The following RPS6KA2 variants were observed in gnomAD, a reference collection of about 807,000 sequenced individuals.
RPS6KA2 encodes ribosomal protein S6 kinase A2, also known as ribosomal protein S6 kinase alpha-2.
RPS6KA2 carries 42 observed loss-of-function variants against 91.8 expected under a neutral mutation model. The observed-to-expected ratio is 0.46, with a 90% CI of 0.36 to 0.59. RPS6KA2 has a LOEUF of 0.59. Among genes scored for constraint, RPS6KA2 ranks in the 20% least tolerant of loss-of-function variants. RPS6KA2 has a pLI of 0.00. For synonymous variants in RPS6KA2, 414 were observed against 393.6 expected (o/e 1.05, Z -0.61); for missense variants, 798 against 978.5 (o/e 0.82, Z 2.46).
At chr6:166,647,902 T>C (rs1380705155) in intron 2 of RPS6KA2, among the ~76,000 whole-genome samples, 1 of 69,276 alleles carries the variant, frequency 1.4e-5, no homozygotes, top group African/African-American at 5.8e-5. Flanking sequence ...ACACACATGC[T>C]CACACACATG....
chr6:166,465,516 A>G (rs76786520), intron 11 of RPS6KA2: 5,165 of 152,386 alleles, frequency 0.034, 295 homozygotes, highest in African/African-American at 0.12. Flanking sequence ...CACTGGACTC[A>G]TCCTAGCAAG....
intron 1 of RPS6KA2, among the ~76,000 whole-genome samples, chr6:166,622,481 A>G (rs905015749): frequency 3.9e-5 from 6 of 152,168 alleles, no homozygotes; most frequent in African/African-American, 1.4e-4. Flanking sequence ...CTTTGGGAGC[A>G]TTTATTGAGA....
intron 2 of RPS6KA2, among the ~76,000 whole-genome samples, chr6:166,799,040 CACA>C (rs1459255188): frequency 6.6e-6 from 1 of 152,278 alleles, no homozygotes; most frequent in Non-Finnish European, 1.5e-5. Flanking sequence ...GTATAACAAG[CACA>C]ACGTGCTTTT....
chr6:166,441,648 G>C (rs1044024236), intron 14 of RPS6KA2, among the ~76,000 whole-genome samples: 1 of 152,166 alleles, frequency 6.6e-6, no homozygotes, highest in Admixed American at 6.5e-5. Context: ...CTCCTTCTCC[G>C]GCCCCGTGCG....
chr6:166,574,602 C>T (rs367758081), intron 1 of RPS6KA2, among the ~76,000 whole-genome samples: 17 of 152,220 alleles, frequency 1.1e-4, no homozygotes, highest in African/African-American at 3.6e-4. Context: ...CTATTGTGAA[C>T]GTTGTTGCAG....
chr6:166,478,827 C>A (rs1403248869), intron 10 of RPS6KA2, among the ~76,000 whole-genome samples: 1 of 152,178 alleles, frequency 6.6e-6, no homozygotes, highest in Non-Finnish European at 1.5e-5. Flanking sequence ...TGCTTCCCAC[C>A]CATCAGGCAC....
At chr6:166,530,964 C>T (rs531158154) in intron 3 of RPS6KA2, among the ~76,000 whole-genome samples, 1 of 152,380 alleles carries the variant, frequency 6.6e-6, no homozygotes, top group East Asian at 1.9e-4. Context: ...GCTCTGCTTT[C>T]CCAATGCCGC....
At chr6:166,702,285 G>A (rs1789547454) in intron 2 of RPS6KA2, 1 of 1,613,410 alleles carries the variant, frequency 6.2e-7, no homozygotes, top group Non-Finnish European at 8.5e-7. Context: ...GGAGACCCCT[G>A]CCTTGAGGAG....
At chr6:166,415,102 G>A (rs1019709198) in intron 19 of RPS6KA2, among the ~76,000 whole-genome samples, 1 of 152,164 alleles carries the variant, frequency 6.6e-6, no homozygotes, top group East Asian at 1.9e-4. Context: ...CATATAGAAT[G>A]TGAAGTTGAA....
chr6:166,741,728 G>A (rs191840636), intron 2 of RPS6KA2, among the ~76,000 whole-genome samples: 2 of 152,176 alleles, frequency 1.3e-5, no homozygotes, highest in Admixed American at 6.5e-5. Flanking sequence ...TGAGGTTAAC[G>A]GAAGGGACAG....
chr6:166,747,417 A>G (rs1352931192), intron 2 of RPS6KA2, among the ~76,000 whole-genome samples: 1 of 152,238 alleles, frequency 6.6e-6, no homozygotes, highest in Non-Finnish European at 1.5e-5. Flanking sequence ...AGAATGGCCC[A>G]GTTGGAAGAC....
chr6:166,730,645 CTA>C (rs1252616815), intron 2 of RPS6KA2, among the ~76,000 whole-genome samples: 12 of 152,286 alleles, frequency 7.9e-5, no homozygotes, highest in African/African-American at 2.6e-4. Flanking sequence ...AAATTCTTCT[CTA>C]TAAACATTTG....
chr6:166,675,320 C>G (rs1374197060), intron 2 of RPS6KA2, among the ~76,000 whole-genome samples: 1 of 152,236 alleles, frequency 6.6e-6, no homozygotes, highest in Non-Finnish European at 1.5e-5. Context: ...AGCCCACCTA[C>G]CCCTGCTCCT....
At chr6:166,749,848 TCTCCTC>T (rs961689342) in intron 2 of RPS6KA2, among the ~76,000 whole-genome samples, 1 of 147,314 alleles carries the variant, frequency 6.8e-6, no homozygotes, top group Non-Finnish European at 1.5e-5. Context: ...GAGCCTGGCC[TCTCCTC>T]CTCCTCCTCC....
chr6:166,852,506 G>A lies in RPS6KA2; in HGVS notation c.123+5694C>T, dbSNP rs1306784224. 6.6e-6 allele frequency among the ~76,000 whole-genome samples: 1 copy of A among 152,196 alleles called. No individual in the cohort carries two copies. The highest frequency in any genetic ancestry group is 1.5e-5 in the Non-Finnish European group (1 of 68,026). ...GAGAGGCAACGTGGCCGCACAGGCG[G>A]TTTAGCCTGTCCCGGGCCATATCCT... On this transcript the variant is annotated intron_variant, in intron 2 of 21. Coordinates refer to the RPS6KA2 transcript ENST00000503859. This position sits in a 1 kb window ranked among gnomAD's most constrained non-coding sequence, Gnocchi z 4.1.
chr6:166,609,982 A>G (rs1360570177), intron 1 of RPS6KA2, among the ~76,000 whole-genome samples: 1 of 152,194 alleles, frequency 6.6e-6, no homozygotes, highest in Non-Finnish European at 1.5e-5. Flanking sequence ...TCTCTTTTAC[A>G]TATTTTTCTA....
At position 166,666,905 on chromosome 6, in the gene RPS6KA2, G is replaced by C. The variant is rs962291957; in HGVS notation, c.124-128121C>G. On this transcript the variant is annotated intron_variant, in intron 2 of 21. Coordinates refer to the RPS6KA2 transcript ENST00000503859. The surrounding 1 kb of genome is among the most constrained non-coding windows in gnomAD (Gnocchi z 4.0). ...GGTGGATGGATGGGTAGCAGAGTGC[G>C]GTGTAGGCACACAATGGAAGGAAAT... Among the ~76,000 whole-genome samples the C allele has an allele frequency of 6.6e-6, 1 of 152,176 alleles. No individual in the cohort carries two copies. The highest frequency in any genetic ancestry group is 2.4e-5 in the African/African-American group (1 of 41,440).
intron 1 of RPS6KA2, among the ~76,000 whole-genome samples, chr6:166,556,227 C>T (rs558937516): frequency 1.2e-4 from 19 of 152,304 alleles, no homozygotes; most frequent in African/African-American, 3.8e-4. Flanking sequence ...CCAGGCCCTA[C>T]CTGTTGGGGT....
chr6:166,656,422 G>C (rs1308891965), intron 2 of RPS6KA2, among the ~76,000 whole-genome samples: 1 of 152,182 alleles, frequency 6.6e-6, no homozygotes, highest in East Asian at 1.9e-4. Context: ...GTGGAACTCG[G>C]TTCACCCCAG....
Sources: allele counts gnomAD v4.1 joint callset (sites outside exome capture counted in the v4.1 genomes callset), GRCh38; gene constraint gnomAD v4.1.1; non-coding constraint Gnocchi (gnomAD v3.1); transcripts MANE v1.5; gene names NCBI Gene and HGNC (gene_info 2026-07-23, HGNC 2026-07-21).